The following IL1RAPL2 variants were observed in gnomAD, a reference collection of about 807,000 sequenced individuals.
IL1RAPL2 encodes interleukin 1 receptor accessory protein like 2.
Under a neutral mutation model 44.1 loss-of-function variants are expected in IL1RAPL2, and 3 were observed. The observed-to-expected ratio is 0.07, with a 90% CI of 0.03 to 0.18. The LOEUF (loss-of-function observed/expected upper bound fraction) is 0.18. Among genes scored for constraint, IL1RAPL2 ranks in the 10% least tolerant of loss-of-function variants. IL1RAPL2 has a pLI of 1.00. For synonymous variants in IL1RAPL2, 181 were observed against 178.8 expected (o/e 1.01, Z -0.10); for missense variants, 391 against 496.4 (o/e 0.79, Z 2.02).
rs191445264 is a variant in IL1RAPL2 at position 105,417,847 on chromosome X, G to C, written c.698-66466G>C. Among the ~76,000 whole-genome samples, 11 of 111,858 alleles carry C rather than the reference G, an allele frequency of 9.8e-5. No individual in the cohort carries two copies. In the East Asian group the frequency reaches 2.8e-3, roughly 29 times the overall value. On this transcript the variant is annotated intron_variant, in intron 5 of 10. Coordinates refer to ENST00000372582, the MANE Select transcript of IL1RAPL2 (RefSeq NM_017416.2). ...TCTCCTCTACTTCCCAATGTACCCA[G>C]TCCATAGAGAATATGACACGTATGC...
intron 2 of IL1RAPL2, among the ~76,000 whole-genome samples, chrX:104,965,619 G>A (rs747764519): frequency 4.5e-5 from 5 of 111,165 alleles, no homozygotes; most frequent in East Asian, 2.8e-4. Flanking sequence ...ACAGAACAGC[G>A]TATTTGACCT....
At chrX:105,536,425 TAAA>T (rs60312385) in intron 6 of IL1RAPL2, among the ~76,000 whole-genome samples, 14 of 92,112 alleles carry the variant, frequency 1.5e-4, no homozygotes, top group African/African-American at 3.9e-4. Context: ...TTTTATATGG[TAAA>T]AAAAAAAAAA....
intron 2 of IL1RAPL2, among the ~76,000 whole-genome samples, chrX:104,916,676 G>A (rs1270386102): frequency 3.9e-4 from 44 of 111,397 alleles, no homozygotes; most frequent in Middle Eastern, 4.6e-3. Context: ...TCCAGTTTTT[G>A]CCCATTCAGT....
At chrX:105,751,923 T>C (rs957964724) in intron 9 of IL1RAPL2, among the ~76,000 whole-genome samples, 2 of 112,181 alleles carry the variant, frequency 1.8e-5, no homozygotes, top group Admixed American at 9.5e-5. Flanking sequence ...ATTTTAACCA[T>C]ATGCTTTTTC....
chrX:104,950,670 C>T (rs906831109), intron 2 of IL1RAPL2, among the ~76,000 whole-genome samples: 3 of 110,483 alleles, frequency 2.7e-5, no homozygotes, highest in Non-Finnish European at 3.8e-5. Context: ...ATGTAATCTC[C>T]TGGTGAGCTG....
intron 6 of IL1RAPL2, among the ~76,000 whole-genome samples, chrX:105,527,613 A>C (rs942100051): frequency 9.0e-5 from 10 of 111,466 alleles, no homozygotes; most frequent in African/African-American, 3.3e-4. Context: ...TTATTGAAAC[A>C]GAATTGATTT....
intron 6 of IL1RAPL2, among the ~76,000 whole-genome samples, chrX:105,492,302 T>G (rs760624587): frequency 9.0e-6 from 1 of 110,977 alleles, no homozygotes; most frequent in African/African-American, 3.3e-5. Context: ...CAACAAGATC[T>G]GTTTCACTCC....
chrX:104,568,551 C>A (rs1292895077), intron 1 of IL1RAPL2, among the ~76,000 whole-genome samples: 1 of 111,835 alleles, frequency 8.9e-6, no homozygotes, highest in Non-Finnish European at 1.9e-5. Flanking sequence ...GGCTAGATAG[C>A]CCACAATTAC....
intron 6 of IL1RAPL2, among the ~76,000 whole-genome samples, chrX:105,539,587 G>A (rs1189710244): frequency 9.0e-6 from 1 of 111,528 alleles, no homozygotes; most frequent in African/African-American, 3.3e-5. Context: ...GAAAACCTAG[G>A]AAATACCATT....
intron 2 of IL1RAPL2, among the ~76,000 whole-genome samples, chrX:104,704,790 C>T (rs1484697118): frequency 1.8e-5 from 2 of 112,055 alleles, no homozygotes; most frequent in Non-Finnish European, 3.8e-5. Flanking sequence ...GAAATAACAA[C>T]TTAATTCCCG....
intron 6 of IL1RAPL2, among the ~76,000 whole-genome samples, chrX:105,642,146 G>T (rs1164238960): frequency 9.3e-5 from 10 of 107,990 alleles, no homozygotes; most frequent in Non-Finnish European, 1.9e-4. Context: ...TCCCTGCACA[G>T]CCCCCCACTC....
chrX:105,092,418 C>T (rs1569380224), intron 2 of IL1RAPL2, among the ~76,000 whole-genome samples: 1 of 111,506 alleles, frequency 9.0e-6, no homozygotes. Flanking sequence ...TATAGAGCTT[C>T]CATTTTCCTC....
intron 2 of IL1RAPL2, among the ~76,000 whole-genome samples, chrX:104,887,134 C>T (rs1923272749): frequency 8.9e-6 from 1 of 112,247 alleles, no homozygotes; most frequent in Non-Finnish European, 1.9e-5. Flanking sequence ...TCCTTGGAAT[C>T]ACCGGCTTTT....
intron 5 of IL1RAPL2, among the ~76,000 whole-genome samples, chrX:105,467,207 G>T (rs1171104165): frequency 9.0e-6 from 1 of 111,611 alleles, no homozygotes; most frequent in East Asian, 2.8e-4. Flanking sequence ...CAACTACAGG[G>T]TATTGTCTCT....
chrX:104,960,085 C>T (rs1052997666), intron 2 of IL1RAPL2, among the ~76,000 whole-genome samples: 17 of 111,978 alleles, frequency 1.5e-4, no homozygotes, highest in African/African-American at 5.5e-4. Flanking sequence ...AGAGTACCTG[C>T]ACCACTTAAT....
intron 2 of IL1RAPL2, among the ~76,000 whole-genome samples, chrX:105,174,097 A>G (rs756714058): frequency 9.1e-6 from 1 of 110,455 alleles, no homozygotes; most frequent in African/African-American, 3.3e-5. Context: ...TTACCCTCCT[A>G]CCACTTCTAG....
At chrX:104,652,749 G>A (rs1397635482) in intron 1 of IL1RAPL2, among the ~76,000 whole-genome samples, 1 of 111,822 alleles carries the variant, frequency 8.9e-6, no homozygotes, top group Non-Finnish European at 1.9e-5. Context: ...CAATCTGATT[G>A]TATAACTTTT....
intron 5 of IL1RAPL2, among the ~76,000 whole-genome samples, chrX:105,381,414 T>C (rs992223556): frequency 4.5e-5 from 5 of 111,645 alleles, no homozygotes; most frequent in African/African-American, 1.6e-4. Context: ...AAACATGCAG[T>C]TATTAAACCA....
intron 2 of IL1RAPL2, among the ~76,000 whole-genome samples, chrX:104,972,847 G>GT (rs780071489): frequency 8.9e-6 from 1 of 112,070 alleles, no homozygotes; most frequent in East Asian, 2.8e-4. Context: ...ATGGCATCAT[G>GT]TTACCACTGC....
Sources: allele counts gnomAD v4.1 joint callset (sites outside exome capture counted in the v4.1 genomes callset), GRCh38; gene constraint gnomAD v4.1.1; transcripts MANE v1.5; gene names NCBI Gene and HGNC (gene_info 2026-07-23, HGNC 2026-07-21).